TRPC5: variants seen among roughly 807,000 people sequenced by gnomAD.
The protein encoded by TRPC5 is transient receptor potential cation channel subfamily C member 5.
In TRPC5, 9 loss-of-function variants were observed where a neutral mutation model predicts 56.5. The observed-to-expected ratio is 0.16, with a 90% CI of 0.10 to 0.28. The LOEUF is 0.28. Ranked by LOEUF, TRPC5 falls within the 10% of genes least tolerant of loss-of-function variation. The pLI is 1.00. For missense variants in TRPC5, 469 were observed against 748.9 expected (o/e 0.63, Z 4.36); for synonymous variants, 282 against 278.5 (o/e 1.01, Z -0.13).
At chrX:111,963,503 T>C (rs1927457767) in intron 1 of TRPC5, among the ~76,000 whole-genome samples, 1 of 111,941 alleles carries the variant, frequency 8.9e-6, no homozygotes, top group Non-Finnish European at 1.9e-5. Context: ...CAGCTGGAGA[T>C]CTGAGAACGA....
At chrX:112,048,078 T>C (rs921022142) in intron 1 of TRPC5, among the ~76,000 whole-genome samples, 5 of 111,512 alleles carry the variant, frequency 4.5e-5, no homozygotes, top group African/African-American at 1.6e-4. Context: ...ATGCTGTTTG[T>C]AGTTGGGAAA....
chrX:111,925,310 G>A (rs1428903025), intron 2 of TRPC5, among the ~76,000 whole-genome samples: 1 of 112,345 alleles, frequency 8.9e-6, no homozygotes, highest in Admixed American at 9.4e-5. Context: ...CACAGAAGGT[G>A]GTGTTGGAAG....
chrX:111,880,288 A>G (rs1486203112), intron 3 of TRPC5, among the ~76,000 whole-genome samples: 2 of 112,204 alleles, frequency 1.8e-5, no homozygotes, highest in African/African-American at 3.2e-5. Context: ...TGTGCTTGCC[A>G]TCATATTCCC....
intron 2 of TRPC5, among the ~76,000 whole-genome samples, chrX:111,950,646 C>T (rs1229109671): frequency 8.9e-6 from 1 of 111,974 alleles, no homozygotes; most frequent in Non-Finnish European, 1.9e-5. Flanking sequence ...ACCTGCTCTG[C>T]AATAATCTAT....
At chrX:111,858,039 C>T (rs1923290213) in intron 3 of TRPC5, among the ~76,000 whole-genome samples, 1 of 112,482 alleles carries the variant, frequency 8.9e-6, no homozygotes, top group African/African-American at 3.2e-5. Flanking sequence ...TTTTTATCTT[C>T]TATTTTTATA....
chrX:111,975,932 C>CA (rs990329611), intron 1 of TRPC5, among the ~76,000 whole-genome samples: 2 of 110,783 alleles, frequency 1.8e-5, no homozygotes, highest in Admixed American at 1.9e-4. Flanking sequence ...ACAACAACAA[C>CA]AAAAAACAAC....
At chrX:111,956,202 C>T (rs973381212) in intron 1 of TRPC5, among the ~76,000 whole-genome samples, 3 of 112,632 alleles carry the variant, frequency 2.7e-5, no homozygotes, top group Non-Finnish European at 5.6e-5. Flanking sequence ...GGAGGAAAGG[C>T]TGGCTTTCTA....
At chrX:111,928,490 T>C in intron 2 of TRPC5, among the ~76,000 whole-genome samples, 1 of 112,404 alleles carries the variant, frequency 8.9e-6, no homozygotes, top group Non-Finnish European at 1.9e-5. Context: ...CCATAATTTC[T>C]CTCTCTCTGA....
intron 7 of TRPC5, among the ~76,000 whole-genome samples, chrX:111,794,507 C>A (rs995806462): frequency 1.2e-4 from 13 of 112,096 alleles, no homozygotes; most frequent in African/African-American, 1.9e-4. Context: ...TACAGCTCTT[C>A]TGCATGTTTT....
rs113936100 is a variant in TRPC5, at chrX:112,008,798, G to T, written c.-21-56357C>A. ...ATACATGTAAAACACTAATAACAGT[G>T]CCTGGCACATATCAAATGTTTGATA... On this transcript the variant is annotated intron_variant, in intron 1 of 10. Transcript: ENST00000262839. Among the ~76,000 whole-genome samples, 802 of 111,289 alleles carry T rather than the reference G, an allele frequency of 7.2e-3. 5 individuals carry two copies. The highest frequency in any genetic ancestry group is 0.024 in the African/African-American group (744 of 30,606).
chrX:111,894,911 G>A (rs1924989445), intron 3 of TRPC5, among the ~76,000 whole-genome samples: 1 of 110,688 alleles, frequency 9.0e-6, no homozygotes, highest in Non-Finnish European at 1.9e-5. Context: ...TAACCACTTT[G>A]TTCCCGTAGA....
chrX:111,922,280 C>T (rs1439556484), intron 2 of TRPC5, among the ~76,000 whole-genome samples: 4 of 111,940 alleles, frequency 3.6e-5, no homozygotes, highest in African/African-American at 6.5e-5. Flanking sequence ...CATTCATACA[C>T]ACAATGTTGT....
At chrX:112,027,629 TG>T (rs1213442677) in intron 1 of TRPC5, among the ~76,000 whole-genome samples, 1 of 111,210 alleles carries the variant, frequency 9.0e-6, no homozygotes, top group African/African-American at 3.3e-5. Context: ...CCTGAGTAGC[TG>T]GGACTACAGG....
chrX:111,863,912 A>C (rs1433841927), intron 3 of TRPC5, among the ~76,000 whole-genome samples: 1 of 112,132 alleles, frequency 8.9e-6, no homozygotes, highest in African/African-American at 3.2e-5. Context: ...AATGTATTAC[A>C]TTAACTGATT....
intron 2 of TRPC5, among the ~76,000 whole-genome samples, chrX:111,924,605 T>C (rs893651687): frequency 1.8e-5 from 2 of 112,242 alleles, no homozygotes; most frequent in African/African-American, 3.2e-5. Context: ...ATGCTGTTTG[T>C]TTGGTTGCTT....
At chrX:111,902,274 T>G (rs1925393784) in intron 3 of TRPC5, 5 of 607,383 alleles carry the variant, frequency 8.2e-6, no homozygotes, top group Admixed American at 9.0e-5. Context: ...ATTAGCAATA[T>G]GTGTTTTCTC....
At chrX:111,885,542 GT>G (rs760694250) in intron 3 of TRPC5, among the ~76,000 whole-genome samples, 2,218 of 97,741 alleles carry the variant, frequency 0.023, 25 homozygotes, top group Non-Finnish European at 0.035. Flanking sequence ...TAATCAAAGG[GT>G]TTTTTTTTTT....
At chrX:111,789,395 A>G (rs1945999008) in intron 7 of TRPC5, among the ~76,000 whole-genome samples, 1 of 111,943 alleles carries the variant, frequency 8.9e-6, no homozygotes, top group African/African-American at 3.3e-5. Flanking sequence ...CCTTACTTAC[A>G]CCTTATACAA....
At chrX:111,972,893 A>C (rs759154468) in intron 1 of TRPC5, among the ~76,000 whole-genome samples, 1 of 112,010 alleles carries the variant, frequency 8.9e-6, no homozygotes, top group African/African-American at 3.2e-5. Context: ...CTAGCTTTTT[A>C]ATATTTTGGC....
Sources: gnomAD v4.1 joint callset for allele counts (sites outside exome capture counted in the v4.1 genomes callset) on GRCh38, gnomAD v4.1.1 for gene constraint, MANE v1.5 for transcripts, NCBI Gene and HGNC (gene_info 2026-07-23, HGNC 2026-07-21) for gene names.